Variants in PRIM2 observed in about 807,000 individuals in gnomAD.
PRIM2 encodes the protein DNA primase large subunit.
Under a neutral mutation model 67.3 loss-of-function variants are expected in PRIM2, and 39 were observed. The observed-to-expected ratio is 0.58, with a 90% CI of 0.45 to 0.76. The LOEUF is 0.76. Among genes scored for constraint, PRIM2 ranks in the 30% least tolerant of loss-of-function variants. The pLI is 0.00. For missense variants in PRIM2, 398 were observed against 598.7 expected, an observed-to-expected ratio of 0.66 and a Z score of 3.50; for synonymous variants, 143 against 198.7, an observed-to-expected ratio of 0.72 and a Z score of 2.36.
intron 13 of PRIM2, among the ~76,000 whole-genome samples, chr6:57,636,472 A>G (rs1229693509): frequency 1.3e-5 from 2 of 152,204 alleles, no homozygotes; most frequent in Non-Finnish European, 2.9e-5. Flanking sequence ...ACAGCCATAT[A>G]CACTTCCCTT....
At chr6:57,474,261 G>A (rs1773416254) in intron 7 of PRIM2, among the ~76,000 whole-genome samples, 1 of 109,956 alleles carries the variant, frequency 9.1e-6, no homozygotes, top group Admixed American at 1.4e-4. Flanking sequence ...TGCAAGCTCC[G>A]CCTCCCGGGG....
intron 11 of PRIM2, among the ~76,000 whole-genome samples, chr6:57,605,612 A>G (rs1776547018): frequency 6.6e-6 from 1 of 152,142 alleles, no homozygotes. Context: ...GAAAAAAAAG[A>G]CTTTTCTATA....
At chr6:57,250,274 TG>T in the PRIM2 span, among the ~76,000 whole-genome samples, 1 of 152,232 alleles carries the variant, frequency 6.6e-6, no homozygotes, top group East Asian at 1.9e-4. Flanking sequence ...ATTTGAAATC[TG>T]GGAGTTTATT....
chr6:57,360,949 T>G (rs868149893), intron 5 of PRIM2, among the ~76,000 whole-genome samples: 1 of 152,156 alleles, frequency 6.6e-6, no homozygotes, highest in Non-Finnish European at 1.5e-5. Context: ...TTCTCTTTTT[T>G]TGCAGTTTTG....
chr6:57,262,445 C>T, the PRIM2 span, among the ~76,000 whole-genome samples: 1 of 152,212 alleles, frequency 6.6e-6, no homozygotes, highest in Non-Finnish European at 1.5e-5. Context: ...CCCTTGCTCA[C>T]CAGTCGTTCT....
chr6:57,448,097 G>A (rs1355128656), intron 7 of PRIM2, among the ~76,000 whole-genome samples: 1 of 152,168 alleles, frequency 6.6e-6, no homozygotes, highest in Non-Finnish European at 1.5e-5. Flanking sequence ...GCCTTCAAAT[G>A]TGTAGCATGC....
chr6:57,344,532 G>T (rs1768605453), intron 5 of PRIM2, among the ~76,000 whole-genome samples: 1 of 151,786 alleles, frequency 6.6e-6, no homozygotes, highest in South Asian at 2.1e-4. Flanking sequence ...TTAAATGAAG[G>T]CATTAACACA....
chr6:57,542,938 G>GTTTTTTTTT (rs1581980392), intron 10 of PRIM2, among the ~76,000 whole-genome samples: 8 of 56,854 alleles, frequency 1.4e-4, no homozygotes, highest in East Asian at 5.4e-4. Context: ...CTGCTTATAG[G>GTTTTTTTTT]ATTTTTTTTT....
the PRIM2 span, among the ~76,000 whole-genome samples, chr6:57,308,774 T>A: frequency 6.6e-6 from 1 of 152,210 alleles, no homozygotes. Context: ...TAATTAAACA[T>A]ATTTACATAT....
upstream of PRIM2, among the ~76,000 whole-genome samples, chr6:57,315,965 C>T (rs1395493238): frequency 2.6e-5 from 4 of 151,956 alleles, no homozygotes; most frequent in South Asian, 2.1e-4. Flanking sequence ...ATTTGTATTA[C>T]GTATTTGTAT....
chr6:57,506,302 A>G (rs1344651310), intron 7 of PRIM2, among the ~76,000 whole-genome samples: 1 of 152,000 alleles, frequency 6.6e-6, no homozygotes, highest in Admixed American at 6.6e-5. Flanking sequence ...ACTTTGGTCA[A>G]CTTTTTTTCA....
chr6:57,615,288 A>G (rs1257441708), intron 12 of PRIM2, among the ~76,000 whole-genome samples: 2 of 151,970 alleles, frequency 1.3e-5, no homozygotes, highest in Admixed American at 1.3e-4. Context: ...GCGTCGAGGC[A>G]TGCACCTGTA....
the PRIM2 span, among the ~76,000 whole-genome samples, chr6:57,309,737 C>G: frequency 1.6e-4 from 24 of 152,240 alleles, no homozygotes; most frequent in South Asian, 4.8e-3. Context: ...TGAGGAATCG[C>G]CACACTGACT....
intron 5 of PRIM2, among the ~76,000 whole-genome samples, chr6:57,337,011 G>A (rs1349053080): frequency 6.6e-6 from 1 of 152,106 alleles, no homozygotes; most frequent in Non-Finnish European, 1.5e-5. Context: ...AAGGATGGAG[G>A]AAGATCTACC....
At chr6:57,372,592 C>T (rs376283790) in intron 5 of PRIM2, among the ~76,000 whole-genome samples, 4 of 152,206 alleles carry the variant, frequency 2.6e-5, no homozygotes, top group East Asian at 3.9e-4. Flanking sequence ...GCATCTGATG[C>T]GCTCCCTCCT....
At chr6:57,463,880 C>G (rs1773094798) in intron 7 of PRIM2, among the ~76,000 whole-genome samples, 2 of 152,164 alleles carry the variant, frequency 1.3e-5, no homozygotes, top group Admixed American at 6.5e-5. Context: ...GTTTGGAAGT[C>G]TTTTTATGAT....
At chr6:57,396,360 T>G (rs993023408) in intron 7 of PRIM2, among the ~76,000 whole-genome samples, 1 of 152,192 alleles carries the variant, frequency 6.6e-6, no homozygotes, top group Non-Finnish European at 1.5e-5. Flanking sequence ...TGTTTAGGAT[T>G]GTGATATTTT....
chr6:57,524,818 T>C (rs1774712187), intron 8 of PRIM2, among the ~76,000 whole-genome samples: 1 of 152,178 alleles, frequency 6.6e-6, no homozygotes, highest in Non-Finnish European at 1.5e-5. Flanking sequence ...AGATTACTTT[T>C]GTGTAGGCAG....
At chr6:57,351,556 A>G (rs1768857152) in intron 5 of PRIM2, among the ~76,000 whole-genome samples, 2 of 152,180 alleles carry the variant, frequency 1.3e-5, no homozygotes, top group Admixed American at 1.3e-4. Context: ...TAAAGACTTG[A>G]TGGCTAATGG....
Sources: allele counts gnomAD v4.1 joint callset (sites outside exome capture counted in the v4.1 genomes callset), GRCh38; gene constraint gnomAD v4.1.1; transcripts MANE v1.5; gene names NCBI Gene and HGNC (gene_info 2026-07-23, HGNC 2026-07-21).